SLITRK4: variants seen among roughly 807,000 people sequenced by gnomAD.
SLITRK4 encodes SLIT and NTRK-like protein 4.
A neutral mutation model predicts 34.7 loss-of-function variants in SLITRK4; 7 were observed. The observed-to-expected ratio is 0.20, with a 90% confidence interval of 0.11 to 0.38. The LOEUF (loss-of-function observed/expected upper bound fraction) is 0.38, where lower values mean the gene tolerates loss of function less well. Ranked by LOEUF, SLITRK4 falls within the 10% of genes least tolerant of loss-of-function variation. SLITRK4 has a pLI of 1.00. For missense variants in SLITRK4, 474 were observed against 607.0 expected (o/e 0.78, Z 2.30); for synonymous variants, 237 against 246.2 (o/e 0.96, Z 0.35).
rs369882884 is a variant in SLITRK4, at chrX:143,629,032, G to T, written c.2077C>A (p.Gln693Lys). 1 of 1,210,091 alleles carries T rather than the reference G, an allele frequency of 8.3e-7. No individual in the cohort carries two copies. Among genetic ancestry groups the T allele is most frequent in the Non-Finnish European group, 1.1e-6 (1 of 895,340 alleles). The change falls in exon 2 of 2, where the codon CAG (glutamine) becomes AAG (lysine). Residue 693 changes from glutamine (Q) to lysine (K), a missense_variant. Around this residue, in one of 3 missense-constraint regions of SLITRK4, gnomAD observed 345 missense variants for 406.5 expected, o/e 0.85. Transcript: ENST00000356928. The part of the protein sequence containing the change: ...TEAFIPQTIE[Q>K]MSKSHTCGLK... ...CCACAAGTGTGGCTCTTGCTCATCTGTTCTATAGTTTGTGGAATGAAAGCT... is the reference window on the plus strand; with the variant it reads ...CCACAAGTGTGGCTCTTGCTCATCTTTTCTATAGTTTGTGGAATGAAAGCT...
intron 1 of SLITRK4, among the ~76,000 whole-genome samples, chrX:143,633,139 T>G (rs1446604343): frequency 9.1e-6 from 1 of 110,422 alleles, no homozygotes; most frequent in Non-Finnish European, 1.9e-5. Context: ...GAAAAGGCAC[T>G]AGTAAGAGCC....
Position 143,630,905 on chromosome X carries a change from A to G in SLITRK4, c.204T>C (p.Asn68=). Residue 68 remains asparagine, a synonymous_variant, in exon 2 of 2, where the codon AAT becomes AAC. Transcript: ENST00000356928. The stretch of plus-strand genomic sequence containing the variant: ...TTGGATACAGAATATTTAAAAAATT[A>G]TTTTGGAAATTGAGGTGATAAAAAT... ...WSNFYHLNFQ[N]NFLNILYPNT... is the part of the protein sequence containing the mutation. 8.3e-7 allele frequency: 1 copy of G among 1,203,464 alleles called. No individual in the cohort carries two copies. Among genetic ancestry groups the G allele is most frequent in the Non-Finnish European group, 1.1e-6 (1 of 892,985 alleles).
chrX:143,634,166 C>A (rs1556430214), intron 1 of SLITRK4, among the ~76,000 whole-genome samples: 1 of 112,311 alleles, frequency 8.9e-6, no homozygotes, highest in East Asian at 2.8e-4. Flanking sequence ...GGTTTTGTGG[C>A]TGCGAGCGGC....
chrX:143,633,778 C>A (rs1931128189), intron 1 of SLITRK4, among the ~76,000 whole-genome samples: 1 of 111,704 alleles, frequency 9.0e-6, no homozygotes, highest in Non-Finnish European at 1.9e-5. Flanking sequence ...CCGGCCATTG[C>A]CGCCCGGGTG....
At position 143,625,194 on chromosome X, in the gene SLITRK4, A is replaced by T. The variant is rs1230552730; in HGVS notation, c.*3401T>A. Reference sequence around the variant, plus strand: ...ATGGCTTAAAGAAAAGTAAATGTTTAAAAAAAGCAACAAAAGAAAGATGGT... The same window carrying T: ...ATGGCTTAAAGAAAAGTAAATGTTTTAAAAAAGCAACAAAAGAAAGATGGT... On this transcript the variant is annotated 3_prime_UTR_variant, in exon 2 of 2. Coordinates refer to ENST00000356928, the MANE Select transcript of SLITRK4 (RefSeq NM_001184749.3). 3 of 111,307 alleles carry T rather than the reference A, an allele frequency of 2.7e-5. No homozygotes were observed. Among genetic ancestry groups the T allele is most frequent in the Non-Finnish European group, 3.8e-5 (2 of 52,747 alleles). 9.2% of individuals were successfully genotyped at this position (111,307 alleles called of 1,213,427 possible). A position where few individuals can be genotyped will look rare whatever the true frequency, so the allele number is the denominator to read the frequency against.
In SLITRK4 at chrX:143,626,827, CATAT is replaced by C. The variant is rs1930803411; in HGVS notation, c.*1764_*1767del. The stretch of plus-strand genomic sequence containing the variant: ...ATATATATGTATACACACACACATA[CATAT>C]ATGTATATATATACACACACATATA... On this transcript the variant is annotated 3_prime_UTR_variant, in exon 2 of 2. Coordinates refer to ENST00000356928, the MANE Select transcript of SLITRK4 (RefSeq NM_001184749.3). 1 of 106,237 alleles carries C rather than the reference CATAT, an allele frequency of 9.4e-6. No homozygotes were observed. Among genetic ancestry groups the C allele is most frequent in the Non-Finnish European group, 1.9e-5 (1 of 51,691 alleles). 8.8% of individuals were successfully genotyped at this position (106,237 alleles called of 1,213,427 possible). A position where few individuals can be genotyped will look rare whatever the true frequency, so the allele number is the denominator to read the frequency against.
chrX:143,624,947 A>G lies in SLITRK4; in HGVS notation c.*3648T>C, dbSNP rs1930737454. ...TTTACTTTATTTTAAAATAGTGATT[A>G]TAAATACATTCTTAATATAGTTTCT... On this transcript the variant is annotated 3_prime_UTR_variant, in exon 2 of 2. Transcript: ENST00000356928. 1 of 111,604 alleles carries G rather than the reference A, an allele frequency of 9.0e-6. No homozygotes were observed. The highest frequency in any genetic ancestry group is 3.7e-4 in the South Asian group (1 of 2,712). 9.2% of individuals were successfully genotyped at this position (111,604 alleles called of 1,213,427 possible).
chrX:143,629,286 C>T lies in SLITRK4; in HGVS notation c.1823G>A (p.Arg608Gln), dbSNP rs782356458. Residue 608 changes from arginine to glutamine, a missense_variant, in exon 2 of 2, where the codon CGA becomes CAA. Coordinates refer to ENST00000356928, the MANE Select transcript of SLITRK4 (RefSeq NM_001184749.3). ...ITFTTPLGPIRSPPGGPVPLS... is the reference protein window; with the variant it reads ...ITFTTPLGPIQSPPGGPVPLS... ...AGGCACTGGCCCACCAGGAGGACTT[C>T]GAATGGGACCCAAAGGAGTGGTGAA... 10 of 1,211,848 alleles carry T rather than the reference C, an allele frequency of 8.3e-6. No individual in the cohort carries two copies. The highest frequency in any genetic ancestry group is 8.9e-6 in the Non-Finnish European group (8 of 895,547).
chrX:143,628,412 A>G lies in SLITRK4; in HGVS notation c.*183T>C. 2.4e-6 allele frequency: 1 copy of G among 422,944 alleles called. No individual in the cohort carries two copies. Among genetic ancestry groups the G allele is most frequent in the East Asian group, 3.8e-5 (1 of 26,104 alleles). 34.9% of individuals were successfully genotyped at this position (422,944 alleles called of 1,213,427 possible). ...GGACTCCACAGTATAGGTTTTATGT[A>G]GTAAAATCTATTAAACAAATTCTCT... On this transcript the variant is annotated 3_prime_UTR_variant, in exon 2 of 2. Transcript: ENST00000356928.
chrX:143,634,419 G>T (rs1931156548), intron 1 of SLITRK4: 1 of 111,332 alleles, frequency 9.0e-6, no homozygotes, highest in Non-Finnish European at 1.9e-5. Context: ...ATCCACGTCT[G>T]CGGAAAGTGG....
rs1411252733 is a variant in SLITRK4 at position 143,635,745 on chromosome X, T to C, written c.-61A>G. 9.1e-6 allele frequency: 1 copy of C among 110,390 alleles called. No individual in the cohort carries two copies. The highest frequency in any genetic ancestry group is 1.9e-5 in the Non-Finnish European group (1 of 52,836). The allele number at this position is 110,390 out of a possible 1,213,427, so 9.1% of individuals were successfully genotyped here. On this transcript the variant is annotated 5_prime_UTR_variant, in exon 1 of 2. Coordinates refer to ENST00000356928, the MANE Select transcript of SLITRK4 (RefSeq NM_001184749.3). ...TCACGGGTACGGTACCTTTGGCTAA[T>C]TGTCACCCCGCAGAACGGAGGGCTC...
chrX:143,627,559 G>T lies in SLITRK4; in HGVS notation c.*1036C>A, dbSNP rs1470128667. 9.0e-6 allele frequency: 1 copy of T among 110,981 alleles called. No individual in the cohort carries two copies. The highest frequency in any genetic ancestry group is 9.6e-5 in the Admixed American group (1 of 10,388). 9.1% of individuals were successfully genotyped at this position (110,981 alleles called of 1,213,427 possible). A position where few individuals can be genotyped will look rare whatever the true frequency, so the allele number is the denominator to read the frequency against. On this transcript the variant is annotated 3_prime_UTR_variant, in exon 2 of 2. Transcript: ENST00000356928. ...AGAATATTTCTGTTCACACCAGCTTGTTTCAGTTTAGTATATTTCTTTCTG... is the reference window on the plus strand; with the variant it reads ...AGAATATTTCTGTTCACACCAGCTTTTTTCAGTTTAGTATATTTCTTTCTG...
intron 1 of SLITRK4, among the ~76,000 whole-genome samples, chrX:143,633,828 C>CTGGCGCG (rs1931131162): frequency 8.9e-6 from 1 of 111,938 alleles, no homozygotes; most frequent in Non-Finnish European, 1.9e-5. Flanking sequence ...GGAGGGGCTG[C>CTGGCGCG]TAGCGCGTAC....
In SLITRK4 at chrX:143,630,667, G is replaced by A. The variant is rs782798707; in HGVS notation, c.442C>T (p.Arg148Ter). The stretch of plus-strand genomic sequence containing the variant: ...TTGTGGAGCTTATTGAAGGCTCCTC[G>A]TTCAATATACTTGATTAAATTGTAG... ...ADYNLIKYIE[R>*]GAFNKLHKLK... is the part of the protein sequence containing the mutation. The change falls in exon 2 of 2, where the codon CGA (arginine) becomes TGA (stop). Residue 148 changes from arginine to a stop codon, truncating the protein, a stop_gained. Transcript: ENST00000356928. LOFTEE classifies it high-confidence loss of function. The A allele has an allele frequency of 1.7e-6, 2 of 1,210,857 alleles. No homozygotes were observed. Among genetic ancestry groups the A allele is most frequent in the South Asian group, 1.8e-5 (1 of 56,856 alleles).
rs782267081 is a variant in SLITRK4 at position 143,623,099 on chromosome X, T to C, written c.*5496A>G. On this transcript the variant is annotated 3_prime_UTR_variant, in exon 2 of 2. Coordinates refer to ENST00000356928, the MANE Select transcript of SLITRK4 (RefSeq NM_001184749.3). The stretch of plus-strand genomic sequence containing the variant: ...GACTATTTCCTTCCTATAGCTAATT[T>C]AAAGGCACTGCTCTATGGTTATTCA... 1.1e-4 allele frequency: 12 copies of C among 111,265 alleles called. No individual in the cohort carries two copies. Among genetic ancestry groups the C allele is most frequent in the Non-Finnish European group, 2.3e-4 (12 of 52,901 alleles). The allele number at this position is 111,265 out of a possible 1,213,427, so 9.2% of individuals were successfully genotyped here.
chrX:143,628,726 T>C lies in SLITRK4; in HGVS notation c.2383A>G (p.Ile795Val). ...ACAATTTTACTGTGGTTGCCACCTA[T>C]CAGTGACTTCTTACTTTTTTTGTCT... ...QPDKKSKKSLIGGNHSKIVVE... is the reference protein window; with the variant it reads ...QPDKKSKKSLVGGNHSKIVVE... The change falls in exon 2 of 2, where the codon ATA becomes GTA. Residue 795 changes from isoleucine to valine, a missense_variant. Physicochemically the swap from Ile to Val is conservative, Grantham distance 29. Transcript: ENST00000356928. The C allele has an allele frequency of 4.1e-6, 5 of 1,211,702 alleles. No homozygotes were observed. The highest frequency in any genetic ancestry group is 4.5e-6 in the Non-Finnish European group (4 of 895,530).
At chrX:143,635,323 C>T (rs782125010) in intron 1 of SLITRK4, 1 of 105,515 alleles carries the variant, frequency 9.5e-6, no homozygotes, top group East Asian at 3.1e-4. Context: ...CATCCGCCCC[C>T]TCTTTTTGCC....
At position 143,628,882 on chromosome X, in the gene SLITRK4, T is replaced by C. The variant is rs781826673; in HGVS notation, c.2227A>G (p.Ile743Val). The C allele has an allele frequency of 3.2e-5, 39 of 1,211,820 alleles. No homozygotes were observed. The highest frequency in any genetic ancestry group is 4.4e-5 in the Non-Finnish European group (39 of 895,391). ...HVDTRKRLST[I>V]DELDELFPSR... ...GGGAATAATTCATCCAGCTCATCAA[T>C]TGTGCTCAGTCTCTTCCTGGTATCT... The change falls in exon 2 of 2, where the codon ATT (isoleucine) becomes GTT (valine). Residue 743 changes from isoleucine (I) to valine (V), a missense_variant. Physicochemically the swap from Ile to Val is conservative, Grantham distance 29. This residue lies in a region of SLITRK4 where 345 missense variants were observed against 406.5 expected (regional missense o/e 0.85). Coordinates refer to ENST00000356928, the MANE Select transcript of SLITRK4 (RefSeq NM_001184749.3).
chrX:143,634,612 G>A (rs1048255102), intron 1 of SLITRK4: 1 of 110,010 alleles, frequency 9.1e-6, no homozygotes, highest in Non-Finnish European at 1.9e-5. Flanking sequence ...AGACCGCGTC[G>A]TAGGCAGGCA....
Sources: allele counts gnomAD v4.1 joint callset (sites outside exome capture counted in the v4.1 genomes callset), GRCh38; gene constraint gnomAD v4.1.1; regional missense constraint gnomAD v4.1.1; transcripts MANE v1.5; gene names NCBI Gene and HGNC (gene_info 2026-07-23, HGNC 2026-07-21).